Variants in GIMAP1 observed in about 807,000 individuals in gnomAD.
GIMAP1 encodes GTPase IMAP family member 1.
For missense variants in GIMAP1, 423 were observed against 411.9 expected, an observed-to-expected ratio of 1.03 and a Z score of -0.23; for synonymous variants, 230 against 187.7, an observed-to-expected ratio of 1.23 and a Z score of -1.84.
At position 150,716,691 on chromosome 7, in the gene GIMAP1, GTGAGCC is replaced by G. The variant is rs1185496509; in HGVS notation, c.-7+10_-7+15del. ...ACTTCAGAGCCTGTCACCAGGAAAG[GTGAGCC>G]TGAGCCTGGGAGTGGCGGGGGCTGG... On this transcript the variant is annotated splice_donor_variant and splice_donor_5th_base_variant and intron_variant, in intron 1 of 2. Transcript: ENST00000307194. LOFTEE classifies it low-confidence loss of function (5UTR_SPLICE). 3 of 152,336 alleles carry G rather than the reference GTGAGCC, an allele frequency of 2.0e-5. No homozygotes were observed. Among genetic ancestry groups the G allele is most frequent in the African/African-American group, 7.2e-5 (3 of 41,446 alleles). The allele number at this position is 152,336 out of a possible 1,614,324, so 9.4% of individuals were successfully genotyped here.
rs1231727366 is a variant in GIMAP1, at chr7:150,721,897, A to G, written c.*972A>G. 3 of 125,248 alleles carry G rather than the reference A, an allele frequency of 2.4e-5. No homozygotes were observed. Among genetic ancestry groups the G allele is most frequent in the Non-Finnish European group, 5.5e-5 (3 of 54,800 alleles). The allele number at this position is 125,248 out of a possible 1,614,324, so 7.8% of individuals were successfully genotyped here. ...TTATTCATATTTTTATCACACACAC[A>G]CACACACACACACACACACACAGTC... On this transcript the variant is annotated 3_prime_UTR_variant, in exon 3 of 3. Coordinates refer to ENST00000307194, the MANE Select transcript of GIMAP1 (RefSeq NM_130759.4).
At chr7:150,719,200 T>A in intron 2 of GIMAP1, 110 bp downstream of exon 2, 2 of 1,394,144 alleles carry the variant, frequency 1.4e-6, no homozygotes, top group Non-Finnish European at 2.0e-6. Context: ...CAGAGGTGTC[T>A]CAACTCTGGG....
At position 150,720,776 on chromosome 7, in the gene GIMAP1, G is replaced by C; in HGVS notation, c.772G>C (p.Ala258Pro). ...CAGGGTGCAGAGGAGGCCATGGGGCGCCTGGCTGTCGGCCCGGCTGTGGAA... is the reference window on the plus strand; with the variant it reads ...CAGGGTGCAGAGGAGGCCATGGGGCCCCTGGCTGTCGGCCCGGCTGTGGAA... ...AARVQRRPWGAWLSARLWKWL... is the reference protein window; with the variant it reads ...AARVQRRPWGPWLSARLWKWL... The change falls in exon 3 of 3, where the codon GCC (alanine) becomes CCC (proline). Residue 258 changes from alanine (A) to proline (P), a missense_variant. Physicochemically the swap from Ala to Pro is conservative, Grantham distance 27. Transcript: ENST00000307194. This position sits in a 1 kb window ranked among gnomAD's most constrained non-coding sequence, Gnocchi z 4.5. 6.3e-7 allele frequency: 1 copy of C among 1,574,984 alleles called. No homozygotes were observed. The highest frequency in any genetic ancestry group is 8.6e-7 in the Non-Finnish European group (1 of 1,161,140).
chr7:150,718,709 T>A (rs988036860), intron 1 of GIMAP1, among the ~76,000 whole-genome samples: 1 of 152,230 alleles, frequency 6.6e-6, no homozygotes, highest in African/African-American at 2.4e-5. Flanking sequence ...TCACCCAATG[T>A]TCTCACAGCA....
At position 150,721,421 on chromosome 7, in the gene GIMAP1, A is replaced by T. The variant is rs1204911403; in HGVS notation, c.*496A>T. On this transcript the variant is annotated 3_prime_UTR_variant, in exon 3 of 3. Coordinates refer to ENST00000307194, the MANE Select transcript of GIMAP1 (RefSeq NM_130759.4). Reference sequence around the variant, plus strand: ...TGAGACATCAGTTTATAGTACAATGATTTACTACCAAAAAGATGAATGTAA... The same window carrying T: ...TGAGACATCAGTTTATAGTACAATGTTTTACTACCAAAAAGATGAATGTAA... 1 of 152,588 alleles carries T rather than the reference A, an allele frequency of 6.6e-6. No individual in the cohort carries two copies. Among genetic ancestry groups the T allele is most frequent in the Admixed American group, 6.5e-5 (1 of 15,290 alleles). The allele number at this position is 152,588 out of a possible 1,614,324, so 9.5% of individuals were successfully genotyped here. A position where few individuals can be genotyped will look rare whatever the true frequency, so the allele number is the denominator to read the frequency against.
Position 150,720,421 on chromosome 7 carries a change from C to A in GIMAP1, c.417C>A (p.Phe139Leu). The change falls in exon 3 of 3, where the codon TTC becomes TTA. Residue 139 changes from phenylalanine to leucine, a missense_variant. Transcript: ENST00000307194. This position sits in a 1 kb window ranked among gnomAD's most constrained non-coding sequence, Gnocchi z 4.5. ...CGGTGAGGCAGGTGAGGGACATGTT[C>A]GGGGAGGACGTCCTAAAATGGATGG... Reference protein sequence around the residue: ...QQAVRQVRDMFGEDVLKWMVI... With the variant: ...QQAVRQVRDMLGEDVLKWMVI... 6.3e-7 allele frequency: 1 copy of A among 1,578,090 alleles called. No individual in the cohort carries two copies. The highest frequency in any genetic ancestry group is 8.6e-7 in the Non-Finnish European group (1 of 1,160,290).
In GIMAP1 at chr7:150,722,102, G is replaced by A. The variant is rs2116546688; in HGVS notation, c.*1177G>A. 6.6e-6 allele frequency: 1 copy of A among 152,338 alleles called. No homozygotes were observed. Among genetic ancestry groups the A allele is most frequent in the East Asian group, 1.9e-4 (1 of 5,182 alleles). 9.4% of individuals were successfully genotyped at this position (152,338 alleles called of 1,614,324 possible). On this transcript the variant is annotated 3_prime_UTR_variant, in exon 3 of 3. Coordinates refer to ENST00000307194, the MANE Select transcript of GIMAP1 (RefSeq NM_130759.4). ...TTAGAAAATTTGCCGCTGACTGGTTGTGCGAATCAAACAATAGGATTTCCT... is the reference window on the plus strand; with the variant it reads ...TTAGAAAATTTGCCGCTGACTGGTTATGCGAATCAAACAATAGGATTTCCT...
In GIMAP1 at chr7:150,720,096, T is replaced by G. The variant is rs1379917318; in HGVS notation, c.92T>G (p.Ile31Ser). Residue 31 changes from isoleucine to serine, a missense_variant, in exon 3 of 3, where the codon ATC becomes AGC. By Grantham distance (142) the Ile-to-Ser change is moderately radical (BLOSUM62 -2). Transcript: ENST00000307194. This position sits in a 1 kb window ranked among gnomAD's most constrained non-coding sequence, Gnocchi z 4.5. ...CGGCAGGAGTCCACGCGGAGGCTCA[T>G]CCTTGTTGGGAGAACAGGGGCCGGG... ...QSRQESTRRL[I>S]LVGRTGAGKS... The G allele has an allele frequency of 5.0e-6, 8 of 1,613,494 alleles. No homozygotes were observed. The highest frequency in any genetic ancestry group is 6.8e-6 in the Non-Finnish European group (8 of 1,179,948).
chr7:150,719,143 G>T, intron 2 of GIMAP1, 53 bp downstream of exon 2: 1 of 1,611,688 alleles, frequency 6.2e-7, no homozygotes, highest in Non-Finnish European at 8.5e-7. Flanking sequence ...TGAACTTAGG[G>T]TAATAAGGAG....
chr7:150,720,877 G>A lies in GIMAP1; in HGVS notation c.873G>A (p.Leu291=). ...LLGGALLFWV[L]LHRRWSEAVA... ...GGGGCGCGCTCCTGTTCTGGGTGCT[G>A]CTCCACAGGCGGTGGTCGGAGGCCG... The change falls in exon 3 of 3, where the codon CTG becomes CTA. Residue 291 remains leucine (L), a synonymous_variant. Transcript: ENST00000307194. The surrounding 1 kb of genome is among the most constrained non-coding windows in gnomAD (Gnocchi z 4.5). The A allele has an allele frequency of 3.7e-6, 6 of 1,600,718 alleles. No individual in the cohort carries two copies. Among genetic ancestry groups the A allele is most frequent in the Non-Finnish European group, 5.1e-6 (6 of 1,177,282 alleles).
chr7:150,717,522 C>A lies in GIMAP1; in HGVS notation c.-7+832C>A, dbSNP rs139942595. On this transcript the variant is annotated intron_variant, in intron 1 of 2. Coordinates refer to ENST00000307194, the MANE Select transcript of GIMAP1 (RefSeq NM_130759.4). ...GTGTACATTCCTCAATGATTAAGGG[C>A]CATTTGTCACCTCAGAGTTCAGCTG... Among the ~76,000 whole-genome samples the A allele has an allele frequency of 7.3e-3, 1,103 of 152,074 alleles. 8 individuals carry two copies. Among genetic ancestry groups the A allele is most frequent in the Non-Finnish European group, 0.012 (844 of 67,988 alleles).
chr7:150,721,700 A>G lies in GIMAP1; in HGVS notation c.*775A>G, dbSNP rs2116545451. The G allele has an allele frequency of 6.6e-6, 1 of 152,116 alleles. No individual in the cohort carries two copies. The highest frequency in any genetic ancestry group is 1.9e-4 in the East Asian group (1 of 5,172). 9.4% of individuals were successfully genotyped at this position (152,116 alleles called of 1,614,324 possible). A position where few individuals can be genotyped will look rare whatever the true frequency, so the allele number is the denominator to read the frequency against. On this transcript the variant is annotated 3_prime_UTR_variant, in exon 3 of 3. Transcript: ENST00000307194. Reference sequence around the variant, plus strand: ...ATAGCACTCGCCTGTAATCCCAGCCATTCAGGAGGCTGAGGCGGGAGAATC... The same window carrying G: ...ATAGCACTCGCCTGTAATCCCAGCCGTTCAGGAGGCTGAGGCGGGAGAATC...
At position 150,723,651 on chromosome 7, in the gene GIMAP1, G is replaced by A. The variant is rs538255991; in HGVS notation, c.*2726G>A. On this transcript the variant is annotated 3_prime_UTR_variant, in exon 3 of 3. Transcript: ENST00000307194. ...TTGTGACCTCACTTATGTAATTTGA[G>A]TGATTTGATAGCACAAATCAATTTT... The A allele has an allele frequency of 1.3e-5, 2 of 152,168 alleles. No homozygotes were observed. Among genetic ancestry groups the A allele is most frequent in the African/African-American group, 4.8e-5 (2 of 41,428 alleles). The allele number at this position is 152,168 out of a possible 1,614,324, so 9.4% of individuals were successfully genotyped here. A position where few individuals can be genotyped will look rare whatever the true frequency, so the allele number is the denominator to read the frequency against.
chr7:150,719,979 CAAG>C, intron 2 of GIMAP1, 66 bp from the exon 3 acceptor site: 2 of 1,494,540 alleles, frequency 1.3e-6, no homozygotes, highest in Non-Finnish European at 1.8e-6. Flanking sequence ...ATGCTAAAGG[CAAG>C]AAGATTCCAG....
At chr7:150,717,520 G>C (rs931549610) in intron 1 of GIMAP1, among the ~76,000 whole-genome samples, 3 of 151,886 alleles carry the variant, frequency 2.0e-5, no homozygotes, top group African/African-American at 7.3e-5. Context: ...AATGATTAAG[G>C]GCCATTTGTC....
At chr7:150,718,908 A>G in intron 1 of GIMAP1, 134 bp from the exon 2 acceptor site, 2 of 1,186,692 alleles carry the variant, frequency 1.7e-6, no homozygotes, top group South Asian at 2.7e-5. Context: ...AGCAAAAACC[A>G]TGTCTTTTCA....
intron 2 of GIMAP1, chr7:150,719,395 G>A (rs930593658): frequency 8.8e-6 from 3 of 339,176 alleles, no homozygotes; most frequent in Non-Finnish European, 1.6e-5. Context: ...TGATTTGTGA[G>A]GTAGAATGTT....
rs555753206 is a variant in GIMAP1 at position 150,717,860 on chromosome 7, A to G, written c.-7+1170A>G. 8.5e-5 allele frequency among the ~76,000 whole-genome samples: 13 copies of G among 152,314 alleles called. 1 individual carries two copies. The highest frequency in any genetic ancestry group is 3.1e-4 in the African/African-American group (13 of 41,578). On this transcript the variant is annotated intron_variant, in intron 1 of 2. Coordinates refer to ENST00000307194, the MANE Select transcript of GIMAP1 (RefSeq NM_130759.4). Reference sequence around the variant, plus strand: ...GAGGGCCAGTAGAGTTCCTGCAGAAACAGAAACAGCTCTAGATTTAATATG... The same window carrying G: ...GAGGGCCAGTAGAGTTCCTGCAGAAGCAGAAACAGCTCTAGATTTAATATG...
At chr7:150,716,958 A>G (rs1326672646) in intron 1 of GIMAP1, among the ~76,000 whole-genome samples, 1 of 152,170 alleles carries the variant, frequency 6.6e-6, no homozygotes, top group Non-Finnish European at 1.5e-5. Context: ...TTAACAAAGT[A>G]AGAAAAGAGT....
Sources: gnomAD v4.1 joint callset for allele counts (sites outside exome capture counted in the v4.1 genomes callset) on GRCh38, gnomAD v4.1.1 for gene constraint, Gnocchi (gnomAD v3.1) non-coding constraint, MANE v1.5 for transcripts, NCBI Gene and HGNC (gene_info 2026-07-23, HGNC 2026-07-21) for gene names.